Variants in MCF2L2 observed in about 807,000 individuals in gnomAD.
MCF2L2 encodes the protein MCF.2 cell line derived transforming sequence-like 2.
In MCF2L2, 102 loss-of-function variants were observed where a neutral mutation model predicts 150.2. That is an observed-to-expected ratio of 0.68 (90% CI 0.58 to 0.80). The LOEUF (loss-of-function observed/expected upper bound fraction) is 0.80. Ranked by LOEUF, MCF2L2 falls within the 30% of genes least tolerant of loss-of-function variation. The pLI, the probability that MCF2L2 is intolerant of heterozygous loss-of-function variation, is 0.00. For missense variants in MCF2L2, 1,256 were observed against 1,372.8 expected, an observed-to-expected ratio of 0.91 and a Z score of 1.34; for synonymous variants, 465 against 491.3, an observed-to-expected ratio of 0.95 and a Z score of 0.71.
chr3:183,255,844 C>A (rs1724999445), intron 15 of MCF2L2, among the ~76,000 whole-genome samples: 1 of 150,312 alleles, frequency 6.7e-6, no homozygotes, highest in Non-Finnish European at 1.5e-5. Context: ...CTTTCTAATT[C>A]TCAAAAATAG....
At chr3:183,385,987 T>C (rs1460851974) in intron 2 of MCF2L2, among the ~76,000 whole-genome samples, 1 of 152,138 alleles carries the variant, frequency 6.6e-6, no homozygotes, top group African/African-American at 2.4e-5. Flanking sequence ...GAAGAAAACA[T>C]CAAGAGAATC....
chr3:183,261,860 T>C (rs1725615248), intron 15 of MCF2L2, among the ~76,000 whole-genome samples: 1 of 151,406 alleles, frequency 6.6e-6, no homozygotes, highest in Admixed American at 6.6e-5. Context: ...GATTTTATGG[T>C]AGAGGTTTGA....
At chr3:183,380,446 G>A (rs1308158581) in intron 2 of MCF2L2, among the ~76,000 whole-genome samples, 1 of 152,154 alleles carries the variant, frequency 6.6e-6, no homozygotes, top group Non-Finnish European at 1.5e-5. Context: ...CTGTCGCCCA[G>A]GCTAGAGTGC....
At chr3:183,403,230 C>T (rs1470768122) in intron 1 of MCF2L2, among the ~76,000 whole-genome samples, 1 of 152,110 alleles carries the variant, frequency 6.6e-6, no homozygotes, top group African/African-American at 2.4e-5. Flanking sequence ...CGAGACTGCA[C>T]CACTGCACTC....
At chr3:183,303,887 C>G (rs1728975915) in intron 10 of MCF2L2, among the ~76,000 whole-genome samples, 1 of 152,184 alleles carries the variant, frequency 6.6e-6, no homozygotes. Flanking sequence ...ATTTCATTAT[C>G]TAGCTCATAC....
intron 3 of MCF2L2, among the ~76,000 whole-genome samples, chr3:183,365,215 C>A (rs1297765836): frequency 6.6e-6 from 1 of 152,132 alleles, no homozygotes; most frequent in Non-Finnish European, 1.5e-5. Flanking sequence ...TAGAAAGACA[C>A]TTCTTTTTGA....
intron 3 of MCF2L2, among the ~76,000 whole-genome samples, chr3:183,363,585 A>C (rs541158992): frequency 3.5e-4 from 53 of 152,276 alleles, no homozygotes; most frequent in African/African-American, 1.1e-3. Flanking sequence ...CTCTACAAAA[A>C]AATAATTAGC....
intron 3 of MCF2L2, among the ~76,000 whole-genome samples, chr3:183,343,140 C>T (rs550081150): frequency 2.0e-5 from 3 of 152,192 alleles, no homozygotes; most frequent in African/African-American, 7.2e-5. Flanking sequence ...ACTTTCACTC[C>T]TACCAAAAAC....
chr3:183,249,632 G>T (rs1724423674), intron 15 of MCF2L2, among the ~76,000 whole-genome samples: 1 of 152,160 alleles, frequency 6.6e-6, no homozygotes, highest in African/African-American at 2.4e-5. Context: ...ACCTAGTGTG[G>T]TTTCATCAAA....
intron 1 of MCF2L2, among the ~76,000 whole-genome samples, chr3:183,395,142 C>T (rs754170757): frequency 2.0e-5 from 3 of 152,178 alleles, no homozygotes; most frequent in Non-Finnish European, 4.4e-5. Flanking sequence ...ATTTTATGCA[C>T]TCATCCTATA....
At chr3:183,320,461 G>T (rs1341276911) in intron 6 of MCF2L2, among the ~76,000 whole-genome samples, 1 of 152,168 alleles carries the variant, frequency 6.6e-6, no homozygotes, top group Non-Finnish European at 1.5e-5. Context: ...TTCTGTAGCA[G>T]CACCTTGCAC....
intron 20 of MCF2L2, among the ~76,000 whole-genome samples, chr3:183,222,703 GACA>G (rs1290281408): frequency 6.6e-6 from 1 of 152,136 alleles, no homozygotes; most frequent in East Asian, 1.9e-4. Flanking sequence ...TAATTCAACA[GACA>G]ACTTATCGTG....
chr3:183,385,254 G>C (rs1441891402), intron 2 of MCF2L2, among the ~76,000 whole-genome samples: 3 of 151,988 alleles, frequency 2.0e-5, no homozygotes, highest in Admixed American at 2.0e-4. Flanking sequence ...TACATGTGTG[G>C]CCCACACTGT....
At chr3:183,412,057 A>G (rs1715340568) in intron 1 of MCF2L2, among the ~76,000 whole-genome samples, 1 of 152,228 alleles carries the variant, frequency 6.6e-6, no homozygotes. Flanking sequence ...TGCTAGAAGG[A>G]GGCTCAGTAC....
chr3:183,200,051 G>C (rs2108641305), intron 25 of MCF2L2, among the ~76,000 whole-genome samples: 1 of 152,260 alleles, frequency 6.6e-6, no homozygotes, highest in East Asian at 1.9e-4. Flanking sequence ...TTGGTTCCAA[G>C]TCTTTGCTAT....
chr3:183,230,910 T>C lies in MCF2L2; in HGVS notation c.1929+41A>G, dbSNP rs374365818. 2.7e-5 allele frequency: 40 copies of C among 1,468,432 alleles called. No individual in the cohort carries two copies. In the African/African-American group the frequency reaches 5.0e-4, roughly 18 times the overall value. 91.0% of individuals were successfully genotyped at this position (1,468,432 alleles called of 1,614,324 possible). A position where few individuals can be genotyped will look rare whatever the true frequency, so the allele number is the denominator to read the frequency against. ...CTTTGTACAACAAAACATCTGCAGT[T>C]TGAATATATGCTTGATACCCCACTC... On this transcript the variant is annotated intron_variant, in intron 16 of 29. Transcript: ENST00000328913.
Position 183,324,159 on chromosome 3 carries a change from A to C in MCF2L2, c.487-808T>G, listed in dbSNP as rs563913106. Among the ~76,000 whole-genome samples, 33 of 152,336 alleles carry C rather than the reference A, an allele frequency of 2.2e-4. No homozygotes were observed. In the South Asian group the frequency reaches 6.6e-3, roughly 31 times the overall value. Reference sequence around the variant, plus strand: ...CTCACTACACTGGTGCGCCCCGATGAAGAATATTGATGTGTCCCTACTTTA... The same window carrying C: ...CTCACTACACTGGTGCGCCCCGATGCAGAATATTGATGTGTCCCTACTTTA... On this transcript the variant is annotated intron_variant, in intron 5 of 29. Transcript: ENST00000328913.
chr3:183,308,889 C>T (rs1729228462), intron 10 of MCF2L2, among the ~76,000 whole-genome samples: 1 of 152,142 alleles, frequency 6.6e-6, no homozygotes, highest in Admixed American at 6.5e-5. Flanking sequence ...GAGAAACATG[C>T]CTCCAGATTA....
intron 27 of MCF2L2, among the ~76,000 whole-genome samples, chr3:183,186,954 AT>A (rs781116452): frequency 1.2e-4 from 18 of 152,284 alleles, no homozygotes; most frequent in Non-Finnish European, 2.1e-4. Context: ...ACTTTCCTGT[AT>A]TTTCTAAATT....
Sources: allele counts gnomAD v4.1 joint callset (sites outside exome capture counted in the v4.1 genomes callset), GRCh38; gene constraint gnomAD v4.1.1; transcripts MANE v1.5; gene names NCBI Gene and HGNC (gene_info 2026-07-23, HGNC 2026-07-21).